GAN: variants seen among roughly 807,000 people sequenced by gnomAD.
The protein encoded by GAN is epididymis secretory sperm binding protein.
GAN carries 48 observed loss-of-function variants against 71.3 expected under a neutral mutation model. The ratio of observed to expected loss-of-function variants is 0.67; its 90% CI spans 0.53 to 0.86. The LOEUF (loss-of-function observed/expected upper bound fraction) is 0.86, where lower values mean the gene tolerates loss of function less well. GAN is among the 40% of genes least tolerant of loss of function. The pLI, the probability that GAN is intolerant of heterozygous loss-of-function variation, is 0.00. For missense variants in GAN, 928 were observed against 770.1 expected (o/e 1.21, Z -2.43); for synonymous variants, 386 against 276.8 (o/e 1.39, Z -3.92).
At chr16:81,353,083 A>T (rs1910353350) in intron 2 of GAN, among the ~76,000 whole-genome samples, 1 of 152,192 alleles carries the variant, frequency 6.6e-6, no homozygotes, top group Non-Finnish European at 1.5e-5. Flanking sequence ...CGAGGTCAGG[A>T]GATCGAGACC....
chr16:81,344,463 A>C (rs1306312382), intron 1 of GAN, among the ~76,000 whole-genome samples: 1 of 152,168 alleles, frequency 6.6e-6, no homozygotes, highest in Non-Finnish European at 1.5e-5. Flanking sequence ...AAATGACACC[A>C]CACATCTACC....
At chr16:81,369,786 G>T (rs1176938791) in intron 9 of GAN, among the ~76,000 whole-genome samples, 2 of 152,098 alleles carry the variant, frequency 1.3e-5, no homozygotes, top group African/African-American at 2.4e-5. Flanking sequence ...GTTTCACCGT[G>T]GTCTCGATCT....
chr16:81,320,888 G>A (rs994423602), intron 1 of GAN, among the ~76,000 whole-genome samples: 2 of 151,860 alleles, frequency 1.3e-5, no homozygotes, highest in Non-Finnish European at 2.9e-5. Flanking sequence ...ATAGTTTAAT[G>A]GTTCTCAGTG....
intron 9 of GAN, 133 bp from the exon 10 acceptor site, chr16:81,377,085 AG>A: frequency 1.3e-6 from 1 of 766,570 alleles, no homozygotes; most frequent in East Asian, 2.5e-5. Context: ...GTTACCTGGC[AG>A]TGGAACGTGG....
chr16:81,376,996 A>G (rs1309068491), intron 9 of GAN, among the ~76,000 whole-genome samples: 1 of 152,246 alleles, frequency 6.6e-6, no homozygotes, highest in Non-Finnish European at 1.5e-5. Flanking sequence ...TGGAAAGCAC[A>G]TGCTGTTTAT....
At position 81,377,319 on chromosome 16, in the gene GAN, C is replaced by G. The variant is rs752175061; in HGVS notation, c.1603C>G (p.Leu535Val). ...AGCCAGTATTTATGTTATTGGAGAT[C>G]TTGATACAGGTAAGAGTGTTACAGT... ...IGASIYVIGDLDTGTNYDYVR... is the reference protein window; with the variant it reads ...IGASIYVIGDVDTGTNYDYVR... The change falls in exon 10 of 11, where the codon CTT becomes GTT. Residue 535 changes from leucine (L) to valine (V), a missense_variant. Coordinates refer to ENST00000648994, the MANE Select transcript of GAN (RefSeq NM_022041.4). 3.8e-6 allele frequency: 6 copies of G among 1,591,664 alleles called. No homozygotes were observed. Among genetic ancestry groups the G allele is most frequent in the Non-Finnish European group, 4.3e-6 (5 of 1,159,548 alleles).
rs764354626 is a variant in GAN at position 81,365,076 on chromosome 16, C to A, written c.1339C>A (p.Gln447Lys). 11 of 1,613,582 alleles carry A rather than the reference C, an allele frequency of 6.8e-6. No homozygotes were observed. Among genetic ancestry groups the A allele is most frequent in the Non-Finnish European group, 9.3e-6 (11 of 1,179,512 alleles). Residue 447 changes from glutamine (Q) to lysine (K), a missense_variant, in exon 8 of 11, where the codon CAG becomes AAG. Physicochemically the swap from Gln to Lys is moderately conservative, Grantham distance 53. Coordinates refer to ENST00000648994, the MANE Select transcript of GAN (RefSeq NM_022041.4). Reference sequence around the variant, plus strand: ...AGAGTGTTATGATCCCAGGACCCAGCAGTGGACTGCCATATGTCCACTAAA... The same window carrying A: ...AGAGTGTTATGATCCCAGGACCCAGAAGTGGACTGCCATATGTCCACTAAA... ...SVECYDPRTQ[Q>K]WTAICPLKER...
chr16:81,345,236 C>T (rs1231741749), intron 1 of GAN, among the ~76,000 whole-genome samples: 1 of 152,198 alleles, frequency 6.6e-6, no homozygotes, highest in Non-Finnish European at 1.5e-5. Flanking sequence ...TTTGACCCAG[C>T]AATCCCATTA....
chr16:81,319,520 A>G (rs1909157827), intron 1 of GAN, among the ~76,000 whole-genome samples: 1 of 152,172 alleles, frequency 6.6e-6, no homozygotes, highest in Non-Finnish European at 1.5e-5. Context: ...GTGCTTCTGC[A>G]GTGACATTAT....
At chr16:81,345,002 G>C (rs768001168) in intron 1 of GAN, among the ~76,000 whole-genome samples, 7 of 152,150 alleles carry the variant, frequency 4.6e-5, no homozygotes, top group Non-Finnish European at 8.8e-5. Context: ...ATGAAAAAAT[G>C]CTCATCATAA....
intron 1 of GAN, among the ~76,000 whole-genome samples, chr16:81,342,688 T>C (rs557633006): frequency 6.6e-6 from 1 of 152,256 alleles, no homozygotes; most frequent in Admixed American, 6.5e-5. Context: ...AGGACAGATC[T>C]AAAATCCACA....
chr16:81,361,116 T>C (rs548811758), intron 5 of GAN, among the ~76,000 whole-genome samples: 1 of 152,212 alleles, frequency 6.6e-6, no homozygotes, highest in East Asian at 1.9e-4. Context: ...TCCCAGATAT[T>C]CAGGAGGGCG....
chr16:81,353,905 A>C (rs542242024), intron 2 of GAN, among the ~76,000 whole-genome samples: 1 of 152,308 alleles, frequency 6.6e-6, no homozygotes, highest in East Asian at 1.9e-4. Context: ...ATGCGGAATG[A>C]GGCTTCTGAA....
At chr16:81,368,324 C>T (rs1910928094) in intron 9 of GAN, among the ~76,000 whole-genome samples, 1 of 152,218 alleles carries the variant, frequency 6.6e-6, no homozygotes, top group African/African-American at 2.4e-5. Context: ...TCTTGGCTGG[C>T]ACAGTGGCTG....
chr16:81,375,523 C>T (rs545844335), intron 9 of GAN, among the ~76,000 whole-genome samples: 7 of 151,946 alleles, frequency 4.6e-5, no homozygotes, highest in South Asian at 4.2e-4. Flanking sequence ...GACAAGGTTT[C>T]GCCATGTTGC....
At chr16:81,360,826 C>A (rs1597404834) in intron 5 of GAN, among the ~76,000 whole-genome samples, 1 of 152,236 alleles carries the variant, frequency 6.6e-6, no homozygotes, top group East Asian at 1.9e-4. Flanking sequence ...TATTTGAAAT[C>A]TTTGCAAGAC....
rs1011344283 is a variant in GAN at position 81,326,544 on chromosome 16, G to A, written c.167+11264G>A. ...GTGAAACTCCGTCTCAAAAAAAAAG[G>A]ATAATTGAGTTGTCTGTGATATGTA... On this transcript the variant is annotated intron_variant, in intron 1 of 10. Coordinates refer to ENST00000648994, the MANE Select transcript of GAN (RefSeq NM_022041.4). 2.6e-5 allele frequency among the ~76,000 whole-genome samples: 4 copies of A among 151,300 alleles called. No individual in the cohort carries two copies. The East Asian group carries it at 5.8e-4, about 22-fold the overall frequency.
In GAN at chr16:81,382,915, C is replaced by T. The variant is rs1379527619; in HGVS notation, c.*5319C>T. Reference sequence around the variant, plus strand: ...GTGACATCTGAGGAATTAAATCATACTTCCAGATGGTTTGGTCTAATGTAT... The same window carrying T: ...GTGACATCTGAGGAATTAAATCATATTTCCAGATGGTTTGGTCTAATGTAT... On this transcript the variant is annotated 3_prime_UTR_variant, in exon 11 of 11. Coordinates refer to ENST00000648994, the MANE Select transcript of GAN (RefSeq NM_022041.4). 6.6e-6 allele frequency: 1 copy of T among 152,182 alleles called. No individual in the cohort carries two copies. The highest frequency in any genetic ancestry group is 2.4e-5 in the African/African-American group (1 of 41,436). The allele number at this position is 152,182 out of a possible 1,614,324, so 9.4% of individuals were successfully genotyped here. A position where few individuals can be genotyped will look rare whatever the true frequency, so the allele number is the denominator to read the frequency against.
At chr16:81,335,219 C>A (rs1428215823) in intron 1 of GAN, among the ~76,000 whole-genome samples, 1 of 151,882 alleles carries the variant, frequency 6.6e-6, no homozygotes, top group South Asian at 2.1e-4. Context: ...TATGCATATG[C>A]TTGAACTGGA....
Sources: gnomAD v4.1 joint callset for allele counts (sites outside exome capture counted in the v4.1 genomes callset) on GRCh38, gnomAD v4.1.1 for gene constraint, MANE v1.5 for transcripts, NCBI Gene and HGNC (gene_info 2026-07-23, HGNC 2026-07-21) for gene names.